ABCA1: variants seen among roughly 807,000 people sequenced by gnomAD.
The protein encoded by ABCA1 is phospholipid-transporting ATPase ABCA1.
A neutral mutation model predicts 262.5 loss-of-function variants in ABCA1; 133 were observed. That is an observed-to-expected ratio of 0.51 (90% confidence interval 0.44 to 0.59). The LOEUF is 0.59. ABCA1 is among the 20% of genes least tolerant of loss of function. The probability of loss-of-function intolerance (pLI) is 0.00; values close to 1 mark genes in which losing one functional copy is unlikely to be tolerated. For missense variants in ABCA1, 2,452 were observed against 2,777.5 expected, an observed-to-expected ratio of 0.88 and a Z score of 2.63; for synonymous variants, 1,022 against 1,043.5, an observed-to-expected ratio of 0.98 and a Z score of 0.40.
intron 28 of ABCA1, among the ~76,000 whole-genome samples, chr9:104,812,150 C>T (rs144561587): frequency 2.6e-5 from 4 of 152,288 alleles, no homozygotes; most frequent in African/African-American, 9.6e-5. Context: ...AATAAATTCA[C>T]ATGTCAAGTG....
chr9:104,877,350 T>TGTGA (rs1838247146), intron 5 of ABCA1, among the ~76,000 whole-genome samples: 1 of 152,260 alleles, frequency 6.6e-6, no homozygotes, highest in African/African-American at 2.4e-5. Context: ...TGGCTCACCA[T>TGTGA]GCACCCACTA....
At chr9:104,854,930 C>T (rs552517107) in intron 7 of ABCA1, among the ~76,000 whole-genome samples, 14 of 152,316 alleles carry the variant, frequency 9.2e-5, no homozygotes, top group Admixed American at 4.6e-4. Context: ...ATAAATATTG[C>T]TCAATGCATG....
chr9:104,878,607 C>T (rs182291022), intron 5 of ABCA1, among the ~76,000 whole-genome samples: 41 of 152,288 alleles, frequency 2.7e-4, no homozygotes, highest in Non-Finnish European at 4.4e-4. Context: ...AATAGAAATT[C>T]CATATGGAGA....
intron 20 of ABCA1, among the ~76,000 whole-genome samples, chr9:104,820,666 C>A (rs1474461322): frequency 2.6e-5 from 4 of 152,160 alleles, no homozygotes; most frequent in African/African-American, 9.7e-5. Flanking sequence ...TGAGTGGGAG[C>A]AAATGTCTTA....
chr9:104,847,693 T>G (rs960534771), intron 7 of ABCA1, among the ~76,000 whole-genome samples: 1 of 152,202 alleles, frequency 6.6e-6, no homozygotes, highest in Non-Finnish European at 1.5e-5. Context: ...TGTCTCTAAT[T>G]GTATAATTAC....
At chr9:104,855,627 A>T in intron 7 of ABCA1, 2 of 1,443,586 alleles carry the variant, frequency 1.4e-6, no homozygotes, top group Non-Finnish European at 1.8e-6. Flanking sequence ...CAGGCTCTTC[A>T]TATGTGTAAC....
intron 7 of ABCA1, among the ~76,000 whole-genome samples, chr9:104,854,558 T>C (rs1588413599): frequency 6.6e-6 from 1 of 151,768 alleles, no homozygotes; most frequent in South Asian, 2.1e-4. Flanking sequence ...AGATTGGAGG[T>C]TTCTGTGAGA....
At chr9:104,861,181 G>A (rs993337669) in intron 6 of ABCA1, among the ~76,000 whole-genome samples, 1 of 152,154 alleles carries the variant, frequency 6.6e-6, no homozygotes, top group Non-Finnish European at 1.5e-5. Context: ...TGCAGGGACT[G>A]ATCTCCTATT....
chr9:104,845,781 A>G (rs1834816042), intron 7 of ABCA1, among the ~76,000 whole-genome samples: 1 of 152,252 alleles, frequency 6.6e-6, no homozygotes, highest in Non-Finnish European at 1.5e-5. Flanking sequence ...ATGGTTTTAA[A>G]TGAAGTAGGA....
At chr9:104,896,900 T>G (rs1455629010) in intron 2 of ABCA1, among the ~76,000 whole-genome samples, 1 of 151,248 alleles carries the variant, frequency 6.6e-6, no homozygotes. Flanking sequence ...CTGACTAATT[T>G]CCTTATTTTT....
At position 104,837,057 on chromosome 9, in the gene ABCA1, G is replaced by C; in HGVS notation, c.1234C>G (p.Leu412Val). Reference protein sequence around the residue: ...TFQELAVFHDLEGMWEELSPK... With the variant: ...TFQELAVFHDVEGMWEELSPK... ...CTGAGTTCCTCCCACATGCCTTCCA[G>C]ATCATGGAACACAGCCAGTTCCTGG... The change falls in exon 11 of 50, where the codon CTG (leucine) becomes GTG (valine). Residue 412 changes from leucine to valine, a missense_variant. Leu to Val is a conservative substitution (Grantham distance 32, BLOSUM62 1). Around this residue, in one of 4 missense-constraint regions of ABCA1, gnomAD observed 1,032 missense variants for 1,089.7 expected, o/e 0.95. Transcript: ENST00000374736. 1.2e-6 allele frequency: 2 copies of C among 1,614,026 alleles called. No individual in the cohort carries two copies. The highest frequency in any genetic ancestry group is 1.7e-6 in the Non-Finnish European group (2 of 1,180,048).
At chr9:104,875,150 A>G (rs565810029) in intron 5 of ABCA1, among the ~76,000 whole-genome samples, 1 of 152,038 alleles carries the variant, frequency 6.6e-6, no homozygotes, top group African/African-American at 2.4e-5. Flanking sequence ...ACTAAGAAAA[A>G]TTCTTCTGCC....
Position 104,796,409 on chromosome 9 carries a change from G to A in ABCA1, c.5137C>T (p.Pro1713Ser). The A allele has an allele frequency of 6.2e-7, 1 of 1,613,900 alleles. No homozygotes were observed. Among genetic ancestry groups the A allele is most frequent in the East Asian group, 2.2e-5 (1 of 44,876 alleles). The change falls in exon 38 of 50, where the codon CCT becomes TCT. Residue 1713 changes from proline to serine, a missense_variant. This residue lies in a region of ABCA1 where 752 missense variants were observed against 944.5 expected (regional missense o/e 0.80). Transcript: ENST00000374736. ...AAGATGATAATGACCAGTGTGGCAGGGACAACGTAATTGCACTAAAAGTGA... is the reference window on the plus strand; with the variant it reads ...AAGATGATAATGACCAGTGTGGCAGAGACAACGTAATTGCACTAAAAGTGA... ...FVWDMCNYVV[P>S]ATLVIIIFIC... is the part of the protein sequence containing the mutation.
At chr9:104,826,895 CCAAAGGAAGGT>C in intron 16 of ABCA1, 42 bp downstream of exon 16, 1 of 1,537,220 alleles carries the variant, frequency 6.5e-7, no homozygotes, top group Non-Finnish European at 9.0e-7. Context: ...TTCAGGGACT[CCAAAGGAAGGT>C]CAAATGCCTA....
chr9:104,786,453 C>G, intron 47 of ABCA1, 63 bp from the exon 48 acceptor site: 3 of 1,392,812 alleles, frequency 2.2e-6, no homozygotes, highest in Non-Finnish European at 3.1e-6. Context: ...GAGAACATCA[C>G]CATGACTTCC....
intron 5 of ABCA1, among the ~76,000 whole-genome samples, chr9:104,876,728 G>C (rs188288653): frequency 6.6e-6 from 1 of 152,336 alleles, no homozygotes; most frequent in Admixed American, 6.5e-5. Flanking sequence ...GCTTGGGCCA[G>C]TCTGCTTCTC....
intron 2 of ABCA1, among the ~76,000 whole-genome samples, chr9:104,891,453 G>A (rs1280219620): frequency 6.6e-6 from 1 of 151,782 alleles, no homozygotes; most frequent in Admixed American, 6.6e-5. Context: ...AAAATTAGAT[G>A]GGCATGGGGG....
Position 104,825,753 on chromosome 9 carries a change from C to G in ABCA1, c.2472G>C (p.Ser824=), listed in dbSNP as rs533413438. ...VEEDGFNLTT[S]VSMMLFDTFL... is the part of the protein sequence containing the mutation. ...AGGTGTCAAACAGCATCATGGAGACCGAAGTGGTGAGATTGAAGCCATCTT... is the reference window on the plus strand; with the variant it reads ...AGGTGTCAAACAGCATCATGGAGACGGAAGTGGTGAGATTGAAGCCATCTT... Residue 824 remains serine, a synonymous_variant, in exon 17 of 50, where the codon TCG becomes TCC. Transcript: ENST00000374736. 1.2e-6 allele frequency: 2 copies of G among 1,614,160 alleles called. No homozygotes were observed. Among genetic ancestry groups the G allele is most frequent in the South Asian group, 2.2e-5 (2 of 91,078 alleles).
intron 7 of ABCA1, chr9:104,855,832 AC>A: frequency 1.2e-6 from 2 of 1,608,570 alleles, no homozygotes; most frequent in Non-Finnish European, 1.7e-6. Context: ...TTTCCAGAGC[AC>A]CCAGATTCTG....
Sources: allele counts gnomAD v4.1 joint callset (sites outside exome capture counted in the v4.1 genomes callset), GRCh38; gene constraint gnomAD v4.1.1; regional missense constraint gnomAD v4.1.1; transcripts MANE v1.5; gene names NCBI Gene and HGNC (gene_info 2026-07-23, HGNC 2026-07-21).